METTL14: variants seen among roughly 807,000 people sequenced by gnomAD.
METTL14 encodes N(6)-adenosine-methyltransferase non-catalytic subunit METTL14.
A neutral mutation model predicts 62.4 loss-of-function variants in METTL14; 32 were observed. The ratio of observed to expected loss-of-function variants is 0.51; its 90% CI spans 0.39 to 0.69. The LOEUF is 0.69. Among genes scored for constraint, METTL14 ranks in the 30% least tolerant of loss-of-function variants. The pLI, the probability that METTL14 is intolerant of heterozygous loss-of-function variation, is 0.00. For synonymous variants in METTL14, 150 were observed against 180.0 expected, an observed-to-expected ratio of 0.83 and a Z score of 1.34; for missense variants, 340 against 551.9, an observed-to-expected ratio of 0.62 and a Z score of 3.85.
chr4:118,687,529 T>TA (rs1724105743), intron 1 of METTL14, among the ~76,000 whole-genome samples: 1 of 152,208 alleles, frequency 6.6e-6, no homozygotes, highest in Admixed American at 6.5e-5. Context: ...CTCATTGACT[T>TA]ACGGTGGAGT....
At chr4:118,691,903 G>C in intron 4 of METTL14, 78 bp from the exon 5 acceptor site, 1 of 907,970 alleles carries the variant, frequency 1.1e-6, no homozygotes, top group Admixed American at 2.3e-5. Context: ...ATATCACCTT[G>C]TAATAGAAAA....
chr4:118,704,040 C>A lies in METTL14; in HGVS notation c.844C>A (p.Gln282Lys). 6.4e-7 allele frequency: 1 copy of A among 1,572,680 alleles called. No homozygotes were observed. The highest frequency in any genetic ancestry group is 8.6e-7 in the Non-Finnish European group (1 of 1,161,754). The change falls in exon 9 of 11, where the codon CAG (glutamine) becomes AAG (lysine). Residue 282 changes from glutamine to lysine, a missense_variant. By Grantham distance (53) the Gln-to-Lys change is moderately conservative (BLOSUM62 1). Coordinates refer to ENST00000388822, the MANE Select transcript of METTL14 (RefSeq NM_020961.4). ...TKTLDPKAVF[Q>K]RTKEHCLMGI... is the part of the protein sequence containing the mutation. ...GACTTTAGATCCAAAGGCTGTCTTT[C>A]AGAGAACAAAGGTATTGCCTTTACT...
At chr4:118,691,263 A>G (rs927270064) in intron 3 of METTL14, among the ~76,000 whole-genome samples, 5 of 152,174 alleles carry the variant, frequency 3.3e-5, no homozygotes, top group Admixed American at 6.5e-5. Flanking sequence ...TAACACTTAT[A>G]GTATTGTATA....
At chr4:118,690,374 A>G (rs1724209709) in intron 3 of METTL14, among the ~76,000 whole-genome samples, 1 of 151,820 alleles carries the variant, frequency 6.6e-6, no homozygotes, top group Non-Finnish European at 1.5e-5. Flanking sequence ...ATGACTGAGG[A>G]TATAAGTGTA....
At chr4:118,703,845 A>AGTC (rs1724679035) in intron 8 of METTL14, 90 bp from the exon 9 acceptor site, 7 of 707,622 alleles carry the variant, frequency 9.9e-6, no homozygotes, top group Admixed American at 3.4e-5. Flanking sequence ...TGAAACCTCT[A>AGTC]GAAAGTTTTT....
At position 118,705,628 on chromosome 4, in the gene METTL14, G is replaced by A. The variant is rs765754723; in HGVS notation, c.873G>A (p.Gly291=). The change falls in exon 10 of 11, where the codon GGG becomes GGA. Residue 291 remains glycine (G), a synonymous_variant. Coordinates refer to ENST00000388822, the MANE Select transcript of METTL14 (RefSeq NM_020961.4). ...FQRTKEHCLM[G]IKGTVKRSTD... ...TTATTTAGGAACACTGCCTCATGGGGATCAAAGGAACTGTGAAGCGTAGCA... is the reference window on the plus strand; with the variant it reads ...TTATTTAGGAACACTGCCTCATGGGAATCAAAGGAACTGTGAAGCGTAGCA... 1.2e-6 allele frequency: 2 copies of A among 1,614,092 alleles called. No homozygotes were observed. The highest frequency in any genetic ancestry group is 1.7e-5 in the Admixed American group (1 of 60,022).
At chr4:118,692,166 A>G in intron 5 of METTL14, 98 bp downstream of exon 5, 1 of 747,110 alleles carries the variant, frequency 1.3e-6, no homozygotes, top group Non-Finnish European at 2.2e-6. Flanking sequence ...TTATTTCTCC[A>G]GCTTGACATC....
chr4:118,709,979 T>A lies in METTL14; in HGVS notation c.1067-19T>A, dbSNP rs773154559. The stretch of plus-strand genomic sequence containing the variant: ...AGAATTGCAAATAAAAAGTATAATC[T>A]TTTTTTCCTCCATTTCAGGCTGGCT... On this transcript the variant is annotated intron_variant, in intron 10 of 10. Transcript: ENST00000388822. 6.4e-7 allele frequency: 1 copy of A among 1,566,624 alleles called. No homozygotes were observed. The highest frequency in any genetic ancestry group is 8.6e-7 in the Non-Finnish European group (1 of 1,160,204).
At chr4:118,691,240 T>C in intron 3 of METTL14, among the ~76,000 whole-genome samples, 1 of 152,182 alleles carries the variant, frequency 6.6e-6, no homozygotes, top group Non-Finnish European at 1.5e-5. Flanking sequence ...CTTTCATGAC[T>C]CAAACTAGAC....
At chr4:118,695,249 C>A (rs1724371999) in intron 6 of METTL14, among the ~76,000 whole-genome samples, 1 of 151,926 alleles carries the variant, frequency 6.6e-6, no homozygotes, top group African/African-American at 2.4e-5. Context: ...AATATTTTTT[C>A]TTCTTAAAAG....
chr4:118,710,390 C>T lies in METTL14; in HGVS notation c.*88C>T, dbSNP rs1302121072. The stretch of plus-strand genomic sequence containing the variant: ...GTGGGAGACTTAACTTTAGAACTCA[C>T]TTCCAGCTTGCACTTTGCTTTAATT... On this transcript the variant is annotated 3_prime_UTR_variant, in exon 11 of 11. Coordinates refer to ENST00000388822, the MANE Select transcript of METTL14 (RefSeq NM_020961.4). The T allele has an allele frequency of 3.0e-6, 4 of 1,313,236 alleles. No homozygotes were observed. Among genetic ancestry groups the T allele is most frequent in the East Asian group, 4.9e-5 (2 of 40,778 alleles). The allele number at this position is 1,313,236 out of a possible 1,614,324, so 81.3% of individuals were successfully genotyped here. A position where few individuals can be genotyped will look rare whatever the true frequency, so the allele number is the denominator to read the frequency against.
At chr4:118,692,229 T>TTC (rs1197454088) in intron 5 of METTL14, among the ~76,000 whole-genome samples, 161 bp downstream of exon 5, 6 of 149,158 alleles carry the variant, frequency 4.0e-5, no homozygotes, top group African/African-American at 1.5e-4. Flanking sequence ...TTCTTTTCTT[T>TTC]TTTTTTTTTT....
At chr4:118,708,823 A>T (rs1443962032) in intron 10 of METTL14, among the ~76,000 whole-genome samples, 3 of 152,208 alleles carry the variant, frequency 2.0e-5, no homozygotes, top group African/African-American at 7.2e-5. Context: ...TGTGTCTCTT[A>T]TAATGCTCCA....
chr4:118,690,035 C>CTTTTTTTTT (rs70941200), intron 3 of METTL14, among the ~76,000 whole-genome samples: 49 of 86,656 alleles, frequency 5.7e-4, no homozygotes, highest in East Asian at 7.5e-4. Context: ...TAATAATATT[C>CTTTTTTTTT]TTTTTTTTTT....
At chr4:118,707,905 C>T (rs1163395202) in intron 10 of METTL14, among the ~76,000 whole-genome samples, 1 of 151,014 alleles carries the variant, frequency 6.6e-6, no homozygotes, top group Non-Finnish European at 1.5e-5. Flanking sequence ...ACGATCTTGG[C>T]TCACTGCAAC....
In METTL14 at chr4:118,711,086, G is replaced by A. The variant is rs1007961092; in HGVS notation, c.*784G>A. 1 of 152,172 alleles carries A rather than the reference G, an allele frequency of 6.6e-6. No individual in the cohort carries two copies. The highest frequency in any genetic ancestry group is 1.5e-5 in the Non-Finnish European group (1 of 68,030). 9.4% of individuals were successfully genotyped at this position (152,172 alleles called of 1,614,324 possible). ...AATTTTATATTCCTCAAATAAAAGA[G>A]AGGCAGCGACAAGATACCTCATTAT... On this transcript the variant is annotated 3_prime_UTR_variant, in exon 11 of 11. Transcript: ENST00000388822.
chr4:118,702,938 TTTATTATTA>T (rs70944804), intron 8 of METTL14, among the ~76,000 whole-genome samples: 1,430 of 135,132 alleles, frequency 0.011, 9 homozygotes, highest in Non-Finnish European at 0.016. Flanking sequence ...GTTGGAAGGT[TTTATTATTA>T]TTATTATTAT....
chr4:118,689,496 CAT>C (rs773237951), intron 3 of METTL14, 39 bp downstream of exon 3: 2 of 1,166,122 alleles, frequency 1.7e-6, no homozygotes, highest in Non-Finnish European at 2.5e-6. Flanking sequence ...TCAAAGAAAA[CAT>C]AAATCCAAAT....
At chr4:118,695,868 T>C (rs1724393261) in intron 6 of METTL14, among the ~76,000 whole-genome samples, 1 of 151,998 alleles carries the variant, frequency 6.6e-6, no homozygotes. Context: ...TCCCAGCACT[T>C]TGGGAGGCTG....
Sources: gnomAD v4.1 joint callset for allele counts (sites outside exome capture counted in the v4.1 genomes callset) on GRCh38, gnomAD v4.1.1 for gene constraint, MANE v1.5 for transcripts, NCBI Gene and HGNC (gene_info 2026-07-23, HGNC 2026-07-21) for gene names.